Variants in ZBTB41 observed in about 807,000 individuals in gnomAD.
ZBTB41 encodes the protein zinc finger and BTB domain containing 41.
Under a neutral mutation model 87.6 loss-of-function variants are expected in ZBTB41, and 42 were observed. The observed-to-expected ratio is 0.48, with a 90% confidence interval of 0.37 to 0.62. The LOEUF is 0.62. ZBTB41 is among the 20% of genes least tolerant of loss of function. ZBTB41 has a pLI of 0.00. For synonymous variants in ZBTB41, 364 were observed against 364.0 expected, an observed-to-expected ratio of 1.00 and a Z score of 0.00; for missense variants, 799 against 1,078.9, an observed-to-expected ratio of 0.74 and a Z score of 3.63.
At chr1:197,198,828 T>C (rs1187914245) in intron 2 of ZBTB41, among the ~76,000 whole-genome samples, 3 of 152,302 alleles carry the variant, frequency 2.0e-5, no homozygotes, top group African/African-American at 7.2e-5. Flanking sequence ...CTAAAGTCTC[T>C]ATCTACAGTA....
At position 197,199,928 on chromosome 1, in the gene ZBTB41, A is replaced by G; in HGVS notation, c.546T>C (p.Phe182=). 1.2e-6 allele frequency: 2 copies of G among 1,612,818 alleles called. No homozygotes were observed. Among genetic ancestry groups the G allele is most frequent in the Non-Finnish European group, 1.7e-6 (2 of 1,179,306 alleles). The change falls in exon 2 of 11, where the codon TTT becomes TTC. Residue 182 remains phenylalanine (F), a synonymous_variant. Transcript: ENST00000367405. Reference sequence around the variant, plus strand: ...ATGACTTTTCAGTTAGCTCTGAATGAAAAGGGGCAACATTTTCGTTATTTA... The same window carrying G: ...ATGACTTTTCAGTTAGCTCTGAATGGAAAGGGGCAACATTTTCGTTATTTA... The part of the protein sequence containing the change: ...KLLNNENVAP[F]HSELTEKSSP...
intron 5 of ZBTB41, among the ~76,000 whole-genome samples, chr1:197,184,705 C>T (rs1463905687): frequency 1.3e-5 from 2 of 152,110 alleles, no homozygotes; most frequent in Non-Finnish European, 2.9e-5. Flanking sequence ...TTAAGATCAT[C>T]TGTAAAGTGA....
intron 6 of ZBTB41, among the ~76,000 whole-genome samples, chr1:197,179,652 GA>G (rs1659696360): frequency 6.6e-6 from 1 of 152,056 alleles, no homozygotes; most frequent in African/African-American, 2.4e-5. Context: ...CTTCCAGTGG[GA>G]CAAGATGTGC....
rs150780377 is a variant in ZBTB41 at position 197,154,339 on chromosome 1, G to A, written c.*5020C>T. On this transcript the variant is annotated 3_prime_UTR_variant, in exon 11 of 11. Transcript: ENST00000367405. ...AGGTTATATTCTTTGTATAACCTCT[G>A]TGCTCTAAATATAATCCTTAATTTC... is the stretch of plus-strand genomic sequence containing the variant. 1.3e-5 allele frequency: 2 copies of A among 152,244 alleles called. No homozygotes were observed. Among genetic ancestry groups the A allele is most frequent in the African/African-American group, 4.8e-5 (2 of 41,540 alleles). 9.4% of individuals were successfully genotyped at this position (152,244 alleles called of 1,614,324 possible).
In ZBTB41 at chr1:197,159,487, T is replaced by G. The variant is rs758201178; in HGVS notation, c.2602A>C (p.Asn868His). The change falls in exon 11 of 11, where the codon AAT becomes CAT. Residue 868 changes from asparagine to histidine, a missense_variant. Physicochemically the swap from Asn to His is moderately conservative, Grantham distance 68. This residue lies in a region of ZBTB41 where 171 missense variants were observed against 191.9 expected (regional missense o/e 0.89). Coordinates refer to ENST00000367405, the MANE Select transcript of ZBTB41 (RefSeq NM_194314.3). ...EKYTLTPQPA[N>H]IVHPVRPEQM... ...TCAGGTCGAACTGGGTGAACTATATTTGCAGGTTGAGGAGTAAGAGTATAT... is the reference window on the plus strand; with the variant it reads ...TCAGGTCGAACTGGGTGAACTATATGTGCAGGTTGAGGAGTAAGAGTATAT... 3.7e-6 allele frequency: 6 copies of G among 1,613,962 alleles called. No homozygotes were observed.
Position 197,200,586 on chromosome 1 carries a change from A to G in ZBTB41, c.-113T>C. ...CTGAAGGGGCGTGCCCAAGGGTTTC[A>G]TGGTCTGCAAAAGAGTGAGAACCAC... On this transcript the variant is annotated 5_prime_UTR_variant, in exon 2 of 11. An upstream start codon of the reference 5' UTR is lost. Coordinates refer to ENST00000367405, the MANE Select transcript of ZBTB41 (RefSeq NM_194314.3). 9.5e-7 allele frequency: 1 copy of G among 1,058,174 alleles called. No homozygotes were observed. The highest frequency in any genetic ancestry group is 1.3e-6 in the Non-Finnish European group (1 of 757,474). The allele number at this position is 1,058,174 out of a possible 1,614,324, so 65.5% of individuals were successfully genotyped here.
At position 197,191,050 on chromosome 1, in the gene ZBTB41, A is replaced by AT. The variant is rs77498723; in HGVS notation, c.1329-220dup. On this transcript the variant is annotated intron_variant, in intron 3 of 10. Transcript: ENST00000367405. ...GATAAACTGAAAGGTAATATACCTG[A>AT]TTTTTTTTAGTCCAGATTTCAGTAA... is the stretch of plus-strand genomic sequence containing the variant. Among the ~76,000 whole-genome samples the AT allele has an allele frequency of 0.021, 3,214 of 152,082 alleles. 326 individuals carry two copies. The East Asian group carries it at 0.3, about 14-fold the overall frequency.
At chr1:197,196,297 A>G (rs1289951709) in intron 2 of ZBTB41, among the ~76,000 whole-genome samples, 1 of 152,142 alleles carries the variant, frequency 6.6e-6, no homozygotes, top group African/African-American at 2.4e-5. Flanking sequence ...TTCTAATAAT[A>G]AAGATGGTAA....
chr1:197,173,463 A>G (rs1659524213), intron 9 of ZBTB41, among the ~76,000 whole-genome samples: 1 of 152,020 alleles, frequency 6.6e-6, no homozygotes, highest in African/African-American at 2.4e-5. Flanking sequence ...AGGTTGCAGC[A>G]GCATCATAAT....
chr1:197,200,391 G>T lies in ZBTB41; in HGVS notation c.83C>A (p.Ala28Glu). The T allele has an allele frequency of 1.9e-6, 3 of 1,613,650 alleles. No homozygotes were observed. Among genetic ancestry groups the T allele is most frequent in the Non-Finnish European group, 2.5e-6 (3 of 1,179,896 alleles). Residue 28 changes from alanine to glutamate, a missense_variant, in exon 2 of 11, where the codon GCA becomes GAA. Coordinates refer to ENST00000367405, the MANE Select transcript of ZBTB41 (RefSeq NM_194314.3). ...YHKDSSEGNV[A>E]VECDQVTYTH... ...ATAGGTCACTTGGTCACACTCCACT[G>T]CAACATTTCCTTCTGAAGAATCTTT...
At chr1:197,196,342 C>G (rs1054039865) in intron 2 of ZBTB41, among the ~76,000 whole-genome samples, 1 of 152,164 alleles carries the variant, frequency 6.6e-6, no homozygotes, top group African/African-American at 2.4e-5. Flanking sequence ...TCTTCTGCTA[C>G]ATATTCTTTT....
At chr1:197,173,600 C>T (rs1283345751) in intron 9 of ZBTB41, among the ~76,000 whole-genome samples, 1 of 152,034 alleles carries the variant, frequency 6.6e-6, no homozygotes, top group East Asian at 1.9e-4. Context: ...TTTGTAGAGA[C>T]AGGGTCTCAC....
chr1:197,188,451 T>C lies in ZBTB41; in HGVS notation c.1399-12A>G. On this transcript the variant is annotated splice_polypyrimidine_tract_variant and intron_variant, in intron 4 of 10. Transcript: ENST00000367405. ...GATTTCTTACAAATCTAAATTAAAA[T>C]GCAAACAAAATGTTAAGAGAACCTG... The C allele has an allele frequency of 6.3e-7, 1 of 1,584,700 alleles. No homozygotes were observed. Among genetic ancestry groups the C allele is most frequent in the Non-Finnish European group, 8.6e-7 (1 of 1,167,742 alleles).
chr1:197,198,893 C>T (rs1360444274), intron 2 of ZBTB41, among the ~76,000 whole-genome samples: 1 of 151,974 alleles, frequency 6.6e-6, no homozygotes, highest in East Asian at 1.9e-4. Flanking sequence ...ATAAAACATC[C>T]CCTTTCTATT....
intron 5 of ZBTB41, 102 bp downstream of exon 5, chr1:197,188,190 T>A: frequency 7.2e-7 from 1 of 1,387,676 alleles, no homozygotes; most frequent in Non-Finnish European, 9.9e-7. Context: ...TCTTAAAAAG[T>A]CTTTTAGAAG....
At chr1:197,189,683 C>A (rs1388021656) in intron 4 of ZBTB41, among the ~76,000 whole-genome samples, 2 of 152,164 alleles carry the variant, frequency 1.3e-5, no homozygotes, top group East Asian at 1.9e-4. Context: ...GTTTGGCCAA[C>A]AAAATGTAGT....
chr1:197,200,799 C>A lies in ZBTB41; in HGVS notation c.-117-209G>T, dbSNP rs1461237184. 3.3e-5 allele frequency among the ~76,000 whole-genome samples: 5 copies of A among 152,138 alleles called. No individual in the cohort carries two copies. In the South Asian group the frequency reaches 8.3e-4, roughly 25 times the overall value. On this transcript the variant is annotated intron_variant, in intron 1 of 10. Coordinates refer to ENST00000367405, the MANE Select transcript of ZBTB41 (RefSeq NM_194314.3). Reference sequence around the variant, plus strand: ...CAACAAAAGAATAATTTTAAAGGAACCCAGGCACACCTTCCAGGCCTGATT... The same window carrying A: ...CAACAAAAGAATAATTTTAAAGGAAACCAGGCACACCTTCCAGGCCTGATT...
chr1:197,173,321 T>C (rs1659522141), intron 9 of ZBTB41, among the ~76,000 whole-genome samples: 1 of 152,144 alleles, frequency 6.6e-6, no homozygotes, highest in Non-Finnish European at 1.5e-5. Context: ...CCCTCATTTT[T>C]CAATTCATCC....
Position 197,159,866 on chromosome 1 carries a change from G to A in ZBTB41, c.2223C>T (p.Tyr741=). 1.9e-6 allele frequency: 3 copies of A among 1,613,938 alleles called. No individual in the cohort carries two copies. The highest frequency in any genetic ancestry group is 2.5e-6 in the Non-Finnish European group (3 of 1,179,894). Residue 741 remains tyrosine (Y), a synonymous_variant, in exon 11 of 11, where the codon TAC becomes TAT. Coordinates refer to ENST00000367405, the MANE Select transcript of ZBTB41 (RefSeq NM_194314.3). ...TTATTTCATGAACATGGTCAATGTG[G>A]TATTTCAGCTTGTCTTTCCGCTTAA... is the stretch of plus-strand genomic sequence containing the variant. ...ATFKRKDKLK[Y]HIDHVHEIKS...
Sources: allele counts gnomAD v4.1 joint callset (sites outside exome capture counted in the v4.1 genomes callset), GRCh38; gene constraint gnomAD v4.1.1; regional missense constraint gnomAD v4.1.1; transcripts MANE v1.5; gene names NCBI Gene and HGNC (gene_info 2026-07-23, HGNC 2026-07-21).